EYA2: variants seen among roughly 807,000 people sequenced by gnomAD.
The protein encoded by EYA2 is EYA transcriptional coactivator and phosphatase 2.
Under a neutral mutation model 69.2 loss-of-function variants are expected in EYA2, and 31 were observed. The observed-to-expected ratio is 0.45, with a 90% CI of 0.34 to 0.60. The LOEUF (loss-of-function observed/expected upper bound fraction) is 0.60. Among genes scored for constraint, EYA2 ranks in the 20% least tolerant of loss-of-function variants. The pLI, the probability that EYA2 is intolerant of heterozygous loss-of-function variation, is 0.02. For missense variants in EYA2, 622 were observed against 701.2 expected, an observed-to-expected ratio of 0.89 and a Z score of 1.28; for synonymous variants, 257 against 279.4, an observed-to-expected ratio of 0.92 and a Z score of 0.80.
intron 3 of EYA2, among the ~76,000 whole-genome samples, chr20:47,004,209 TAAATG>T (rs569540442): frequency 8.5e-5 from 13 of 152,150 alleles, no homozygotes; most frequent in Non-Finnish European, 1.8e-4. Context: ...GCTCACAACA[TAAATG>T]AAATAATCAG....
chr20:47,030,916 T>C (rs1479179928), intron 5 of EYA2, among the ~76,000 whole-genome samples: 1 of 152,242 alleles, frequency 6.6e-6, no homozygotes, highest in Non-Finnish European at 1.5e-5. Flanking sequence ...ACCAGGCTGC[T>C]GCTGCTTATA....
chr20:47,138,597 T>C (rs1229359305), intron 9 of EYA2, among the ~76,000 whole-genome samples: 1 of 151,472 alleles, frequency 6.6e-6, no homozygotes, highest in Non-Finnish European at 1.5e-5. Flanking sequence ...CAAAAAAAAA[T>C]ACAAAAAAAT....
intron 9 of EYA2, among the ~76,000 whole-genome samples, chr20:47,141,246 A>G (rs1020623932): frequency 4.6e-5 from 7 of 151,836 alleles, no homozygotes; most frequent in South Asian, 2.1e-4. Flanking sequence ...TTAGCCAGGA[A>G]TATTATTAAC....
chr20:47,166,506 A>G (rs2034198548), intron 10 of EYA2, among the ~76,000 whole-genome samples: 1 of 144,516 alleles, frequency 6.9e-6, no homozygotes, highest in South Asian at 2.2e-4. Flanking sequence ...CAATTTCTCT[A>G]CTCCCATCAA....
At chr20:47,175,974 A>T (rs1222850454) in intron 12 of EYA2, among the ~76,000 whole-genome samples, 4 of 152,022 alleles carry the variant, frequency 2.6e-5, no homozygotes, top group Non-Finnish European at 4.4e-5. Flanking sequence ...TAGGTTGTGG[A>T]TTCAGCAGTG....
chr20:46,993,448 C>A (rs933886888), intron 2 of EYA2, among the ~76,000 whole-genome samples: 1 of 152,202 alleles, frequency 6.6e-6, no homozygotes, highest in Non-Finnish European at 1.5e-5. Flanking sequence ...TCTGTCTGGA[C>A]CAGTCTTCAC....
In EYA2 at chr20:46,989,158, A is replaced by G. The variant is rs1471519534; in HGVS notation, c.-10-843A>G. 2.0e-5 allele frequency among the ~76,000 whole-genome samples: 3 copies of G among 152,140 alleles called. No homozygotes were observed. In the South Asian group the frequency reaches 6.2e-4, roughly 32 times the overall value. On this transcript the variant is annotated intron_variant, in intron 1 of 15. Coordinates refer to ENST00000327619, the MANE Select transcript of EYA2 (RefSeq NM_005244.5). ...AATCATGGGTGATTCAGGAGCCAGT[A>G]TGTTCTCTCTTGGTCAGGTCCACAG...
chr20:47,039,594 A>G (rs980416824), intron 5 of EYA2, among the ~76,000 whole-genome samples: 4 of 152,190 alleles, frequency 2.6e-5, no homozygotes, highest in African/African-American at 9.6e-5. Context: ...TATACCTACA[A>G]TGGAAACAAA....
intron 7 of EYA2, among the ~76,000 whole-genome samples, chr20:47,080,171 A>G (rs1467626768): frequency 6.6e-6 from 1 of 152,182 alleles, no homozygotes; most frequent in Non-Finnish European, 1.5e-5. Flanking sequence ...TAAATTAGAA[A>G]TAAATTTCAG....
chr20:47,177,493 G>T (rs2146666153), intron 12 of EYA2, among the ~76,000 whole-genome samples: 1 of 152,290 alleles, frequency 6.6e-6, no homozygotes, highest in Admixed American at 6.5e-5. Context: ...AATGGATAGT[G>T]GATGGCAACT....
At chr20:47,054,165 G>A (rs2146440467) in intron 5 of EYA2, among the ~76,000 whole-genome samples, 1 of 152,260 alleles carries the variant, frequency 6.6e-6, no homozygotes, top group Non-Finnish European at 1.5e-5. Flanking sequence ...AGACAGAATG[G>A]ACGGGGTTTG....
In EYA2 at chr20:47,107,399, C is replaced by T. The variant is rs187230322; in HGVS notation, c.888+10231C>T. 1.4e-3 allele frequency among the ~76,000 whole-genome samples: 208 copies of T among 151,648 alleles called. 1 individual carries two copies. The highest frequency in any genetic ancestry group is 1.0e-3 in the South Asian group (5 of 4,796). On this transcript the variant is annotated intron_variant, in intron 9 of 15. Coordinates refer to ENST00000327619, the MANE Select transcript of EYA2 (RefSeq NM_005244.5). ...AATTAGCCAGGCGTGGTGGTGGGCACCTGTAGTCCCAGCTATCTGGGAGGC... is the reference window on the plus strand; with the variant it reads ...AATTAGCCAGGCGTGGTGGTGGGCATCTGTAGTCCCAGCTATCTGGGAGGC...
chr20:47,017,951 C>A (rs947847182), intron 5 of EYA2, among the ~76,000 whole-genome samples: 1 of 152,162 alleles, frequency 6.6e-6, no homozygotes, highest in Admixed American at 6.5e-5. Flanking sequence ...TCGCTGTAAC[C>A]CCGGCACTTT....
At chr20:47,180,195 G>T in intron 13 of EYA2, among the ~76,000 whole-genome samples, 1 of 100,270 alleles carries the variant, frequency 1.0e-5, no homozygotes, top group East Asian at 2.6e-4. Flanking sequence ...ACCACACCTA[G>T]CTAATTTTTG....
intron 5 of EYA2, among the ~76,000 whole-genome samples, chr20:47,024,081 A>G (rs566336835): frequency 6.6e-6 from 1 of 152,244 alleles, no homozygotes; most frequent in South Asian, 2.1e-4. Context: ...GTTCATTTTC[A>G]TTGATTTTTC....
chr20:46,972,309 T>TA (rs1769567144), intron 1 of EYA2, among the ~76,000 whole-genome samples: 1 of 152,054 alleles, frequency 6.6e-6, no homozygotes, highest in Non-Finnish European at 1.5e-5. Flanking sequence ...TTAAGTGTTA[T>TA]ATTAGGTCAT....
intron 1 of EYA2, among the ~76,000 whole-genome samples, chr20:46,914,240 A>G (rs4810575): frequency 0.31 from 46,752 of 152,150 alleles, 8,091 homozygotes; most frequent in South Asian, 0.42. Flanking sequence ...GAAGATGAAT[A>G]TTCCACAGTA....
intron 11 of EYA2, among the ~76,000 whole-genome samples, chr20:47,169,693 T>C (rs1359897676): frequency 6.6e-6 from 1 of 152,208 alleles, no homozygotes; most frequent in Non-Finnish European, 1.5e-5. Context: ...AAGAGTTTAG[T>C]ATATATTCTT....
intron 1 of EYA2, among the ~76,000 whole-genome samples, chr20:46,976,490 A>T (rs1445076337): frequency 5.3e-5 from 8 of 152,106 alleles, no homozygotes; most frequent in Non-Finnish European, 7.4e-5. Flanking sequence ...GGTTCACGCC[A>T]TTCTCCTGCC....
Sources: gnomAD v4.1 joint callset for allele counts (sites outside exome capture counted in the v4.1 genomes callset) on GRCh38, gnomAD v4.1.1 for gene constraint, MANE v1.5 for transcripts, NCBI Gene and HGNC (gene_info 2026-07-23, HGNC 2026-07-21) for gene names.